Variants in FAM186A observed in about 807,000 individuals in gnomAD.
The protein encoded by FAM186A is protein FAM186A.
FAM186A carries 163 observed loss-of-function variants against 216.8 expected under a neutral mutation model. The ratio of observed to expected loss-of-function variants is 0.75; its 90% CI spans 0.66 to 0.86. The LOEUF (loss-of-function observed/expected upper bound fraction) is 0.86, where lower values mean the gene tolerates loss of function less well. Ranked by LOEUF, FAM186A falls within the 40% of genes least tolerant of loss-of-function variation. The pLI is 0.00. For synonymous variants in FAM186A, 805 were observed against 1,025.3 expected (o/e 0.79, Z 4.10); for missense variants, 2,184 against 2,746.2 (o/e 0.80, Z 4.58).
intron 1 of FAM186A, among the ~76,000 whole-genome samples, chr12:50,370,388 AT>A (rs1053642432): frequency 3.3e-5 from 5 of 152,152 alleles, no homozygotes; most frequent in Non-Finnish European, 7.4e-5. Flanking sequence ...TGGCCCAAAA[AT>A]ATATGAAAAT....
intron 3 of FAM186A, among the ~76,000 whole-genome samples, chr12:50,358,308 T>C (rs1942997912): frequency 6.6e-6 from 1 of 152,060 alleles, no homozygotes; most frequent in African/African-American, 2.4e-5. Context: ...CAGCGAGGTG[T>C]GGTGACTCAT....
chr12:50,343,672 G>T (rs1292040734), intron 4 of FAM186A, among the ~76,000 whole-genome samples: 1 of 152,102 alleles, frequency 6.6e-6, no homozygotes, highest in African/African-American at 2.4e-5. Flanking sequence ...AGGCTGGAGT[G>T]CAGTGGTGCA....
At chr12:50,363,608 C>G (rs947425012) in intron 1 of FAM186A, among the ~76,000 whole-genome samples, 1 of 152,034 alleles carries the variant, frequency 6.6e-6, no homozygotes, top group Non-Finnish European at 1.5e-5. Context: ...ATATCTGGAT[C>G]TTAACTCTAG....
intron 1 of FAM186A, among the ~76,000 whole-genome samples, chr12:50,373,040 A>G (rs1195617702): frequency 1.3e-5 from 2 of 150,094 alleles, no homozygotes; most frequent in African/African-American, 2.4e-5. Context: ...AGAAAGAAAG[A>G]AAGAAAGAAA....
intron 3 of FAM186A, among the ~76,000 whole-genome samples, chr12:50,358,789 G>A (rs1288304722): frequency 6.6e-6 from 1 of 150,976 alleles, no homozygotes; most frequent in Non-Finnish European, 1.5e-5. Context: ...CATGCGTGGT[G>A]GCATGCGCCT....
intron 1 of FAM186A, among the ~76,000 whole-genome samples, chr12:50,372,037 C>G (rs1175423101): frequency 6.6e-6 from 1 of 152,006 alleles, no homozygotes; most frequent in Non-Finnish European, 1.5e-5. Flanking sequence ...GTCTCAAACT[C>G]CTAACCTCAG....
chr12:50,390,609 A>G (rs1057395086), intron 1 of FAM186A, among the ~76,000 whole-genome samples: 2 of 152,144 alleles, frequency 1.3e-5, no homozygotes, highest in African/African-American at 4.8e-5. Context: ...TACAGTAATC[A>G]TATCCACCTT....
At chr12:50,345,623 G>A (rs1284966672) in intron 4 of FAM186A, among the ~76,000 whole-genome samples, 3 of 152,080 alleles carry the variant, frequency 2.0e-5, no homozygotes, top group African/African-American at 7.2e-5. Flanking sequence ...CTCATTGCTT[G>A]TTTTTGTTGA....
At chr12:50,393,966 T>C (rs896570847) in intron 1 of FAM186A, among the ~76,000 whole-genome samples, 10 of 152,164 alleles carry the variant, frequency 6.6e-5, no homozygotes, top group Non-Finnish European at 1.2e-4. Flanking sequence ...TCACCCAGGC[T>C]GGAGTGCATT....
At chr12:50,362,743 CAAAAAAA>C (rs10654604) in intron 2 of FAM186A, among the ~76,000 whole-genome samples, 4 of 85,916 alleles carry the variant, frequency 4.7e-5, no homozygotes, top group Admixed American at 2.9e-4. Context: ...GAACCTGTCT[CAAAAAAA>C]AAAAAAAAAA....
chr12:50,368,978 A>AAC (rs1555217759), intron 1 of FAM186A, among the ~76,000 whole-genome samples: 183 of 151,430 alleles, frequency 1.2e-3, no homozygotes, highest in African/African-American at 4.0e-3. Context: ...AAAAAAAAAA[A>AAC]ACACACACAA....
In FAM186A at chr12:50,366,033, G is replaced by T. The variant is rs1943084516; in HGVS notation, c.193-2669C>A. On this transcript the variant is annotated intron_variant, in intron 1 of 7. Transcript: ENST00000327337. Reference sequence around the variant, plus strand: ...TGAACAGAAAGCCAAATCTCGCCAAGTAGGAAAGGAAAAGAGCAAATACAA... The same window carrying T: ...TGAACAGAAAGCCAAATCTCGCCAATTAGGAAAGGAAAAGAGCAAATACAA... 4.0e-6 allele frequency: 3 copies of T among 757,794 alleles called. No homozygotes were observed. The East Asian group carries it at 7.3e-5, about 18-fold the overall frequency. The allele number at this position is 757,794 out of a possible 1,614,324, so 46.9% of individuals were successfully genotyped here.
At chr12:50,360,990 C>T in intron 2 of FAM186A, 64 bp from the exon 3 acceptor site, 4 of 1,278,302 alleles carry the variant, frequency 3.1e-6, no homozygotes, top group Non-Finnish European at 4.2e-6. Flanking sequence ...GCTACATAGG[C>T]TTATAATATT....
At chr12:50,378,148 C>A (rs528983596) in intron 1 of FAM186A, among the ~76,000 whole-genome samples, 1 of 151,450 alleles carries the variant, frequency 6.6e-6, no homozygotes, top group Non-Finnish European at 1.5e-5. Context: ...TTGCTTGAAC[C>A]GGGAGGCGGA....
chr12:50,343,241 G>A (rs1353209615), intron 4 of FAM186A, among the ~76,000 whole-genome samples: 1 of 151,770 alleles, frequency 6.6e-6, no homozygotes, highest in African/African-American at 2.4e-5. Flanking sequence ...GGGGCCCCAT[G>A]TGTTGTTCAG....
chr12:50,356,293 T>G, intron 3 of FAM186A, 45 bp from the exon 4 acceptor site: 1 of 1,435,260 alleles, frequency 7.0e-7, no homozygotes, highest in Non-Finnish European at 9.2e-7. Flanking sequence ...TTTTTTCTTT[T>G]GCATTGTGTT....
At chr12:50,366,709 T>A (rs370279240) in intron 1 of FAM186A, among the ~76,000 whole-genome samples, 1 of 141,170 alleles carries the variant, frequency 7.1e-6, no homozygotes, top group Non-Finnish European at 1.5e-5. Context: ...CTTTCATTAT[T>A]AAAAAAAAAA....
chr12:50,332,122 AAC>A (rs1206654640), intron 5 of FAM186A, among the ~76,000 whole-genome samples: 1 of 152,234 alleles, frequency 6.6e-6, no homozygotes, highest in Non-Finnish European at 1.5e-5. Flanking sequence ...CAGGGATAAT[AAC>A]ACAGGGTTGT....
chr12:50,356,223 A>G lies in FAM186A; in HGVS notation c.609T>C (p.Ser203=), dbSNP rs941697688. ...KILSRGTLWK[S]WKERVIKRPS... Reference sequence around the variant, plus strand: ...GTCGTTTTATAACTCTTTCTTTCCAAGATTTCCATAGAGTACCTCTAGATA... The same window carrying G: ...GTCGTTTTATAACTCTTTCTTTCCAGGATTTCCATAGAGTACCTCTAGATA... Residue 203 remains serine, a synonymous_variant, in exon 4 of 8, where the codon TCT becomes TCC. Coordinates refer to ENST00000327337, the MANE Select transcript of FAM186A (RefSeq NM_001145475.3). The G allele has an allele frequency of 6.5e-7, 1 of 1,549,806 alleles. No homozygotes were observed. Among genetic ancestry groups the G allele is most frequent in the Non-Finnish European group, 8.7e-7 (1 of 1,146,580 alleles).
Sources: allele counts gnomAD v4.1 joint callset (sites outside exome capture counted in the v4.1 genomes callset), GRCh38; gene constraint gnomAD v4.1.1; transcripts MANE v1.5; gene names NCBI Gene and HGNC (gene_info 2026-07-23, HGNC 2026-07-21).